The following NMU variants were observed in gnomAD, a reference collection of about 807,000 sequenced individuals.
NMU encodes the protein neuromedin-U.
NMU carries 29 observed loss-of-function variants against 35.4 expected under a neutral mutation model. The ratio of observed to expected loss-of-function variants is 0.82; its 90% CI spans 0.61 to 1.12. NMU has a LOEUF of 1.12. Ranked by LOEUF, NMU falls within the 50% of genes most tolerant of loss-of-function variation. The probability of loss-of-function intolerance (pLI) is 0.00; values close to 1 mark genes in which losing one functional copy is unlikely to be tolerated. For synonymous variants in NMU, 78 were observed against 81.3 expected (o/e 0.96, Z 0.22); for missense variants, 199 against 206.2 (o/e 0.97, Z 0.21).
At chr4:55,605,387 G>A (rs764020825) in intron 6 of NMU, 38 bp from the exon 7 acceptor site, 12 of 1,432,286 alleles carry the variant, frequency 8.4e-6, no homozygotes, top group Non-Finnish European at 1.2e-5. Context: ...TAAGTGCATG[G>A]CTTCTCAGCA....
intron 2 of NMU, among the ~76,000 whole-genome samples, chr4:55,627,925 T>C (rs576440093): frequency 3.3e-5 from 5 of 152,334 alleles, no homozygotes; most frequent in Admixed American, 6.5e-5. Context: ...CTTTCTTAAC[T>C]GGGTAAAGGT....
At chr4:55,617,079 G>C (rs1447489437) in intron 2 of NMU, among the ~76,000 whole-genome samples, 1 of 152,112 alleles carries the variant, frequency 6.6e-6, no homozygotes, top group East Asian at 1.9e-4. Flanking sequence ...TTATTTCTTT[G>C]ATGGCCTTTT....
chr4:55,617,158 A>C (rs902904831), intron 2 of NMU, among the ~76,000 whole-genome samples: 1 of 152,158 alleles, frequency 6.6e-6, no homozygotes, highest in Non-Finnish European at 1.5e-5. Context: ...AGTCCTATTC[A>C]TGGTATTCCA....
At chr4:55,617,015 A>G (rs571508340) in intron 2 of NMU, among the ~76,000 whole-genome samples, 245 of 152,196 alleles carry the variant, frequency 1.6e-3, no homozygotes, top group African/African-American at 5.6e-3. Context: ...ATCATAAAAA[A>G]CCTATGCTGA....
intron 3 of NMU, among the ~76,000 whole-genome samples, chr4:55,615,613 T>C (rs562036518): frequency 6.6e-6 from 1 of 152,314 alleles, no homozygotes; most frequent in African/African-American, 2.4e-5. Context: ...CAGCAATAGA[T>C]ACAGTATTTT....
chr4:55,617,288 T>C (rs1214475101), intron 2 of NMU, among the ~76,000 whole-genome samples: 1 of 152,188 alleles, frequency 6.6e-6, no homozygotes, highest in East Asian at 1.9e-4. Context: ...TGTCCTAAAA[T>C]ATATTATTTC....
intron 6 of NMU, among the ~76,000 whole-genome samples, chr4:55,606,681 CT>C (rs541449403): frequency 9.1e-4 from 127 of 139,892 alleles, no homozygotes; most frequent in Middle Eastern, 3.7e-3. Flanking sequence ...TCTTTCTTTT[CT>C]TTTTTTTTTT....
intron 7 of NMU, among the ~76,000 whole-genome samples, chr4:55,604,659 T>C (rs1445354129): frequency 7.2e-6 from 1 of 139,542 alleles, no homozygotes; most frequent in Non-Finnish European, 1.5e-5. Flanking sequence ...ATTACAGGCA[T>C]GCGCCAATAT....
intron 2 of NMU, among the ~76,000 whole-genome samples, chr4:55,626,647 G>A (rs1329190507): frequency 1.3e-5 from 2 of 152,198 alleles, no homozygotes; most frequent in Non-Finnish European, 2.9e-5. Flanking sequence ...GGGGGAGGTT[G>A]CAGTGAGCTG....
chr4:55,612,585 A>G (rs10026676), intron 3 of NMU, among the ~76,000 whole-genome samples: 34,479 of 152,162 alleles, frequency 0.23, 4,231 homozygotes, highest in South Asian at 0.27. Flanking sequence ...TAGTGATGTC[A>G]TGTTTCAAAA....
At chr4:55,624,076 A>C (rs957777714) in intron 2 of NMU, among the ~76,000 whole-genome samples, 37 of 145,122 alleles carry the variant, frequency 2.5e-4, no homozygotes, top group African/African-American at 8.9e-4. Flanking sequence ...CTAGAAGAAA[A>C]CCTAGGCATT....
chr4:55,619,386 G>A (rs1194238310), intron 2 of NMU, among the ~76,000 whole-genome samples: 2 of 128,808 alleles, frequency 1.6e-5, no homozygotes, highest in African/African-American at 5.8e-5. Flanking sequence ...CCCTTTCCGA[G>A]TCAAAGAAAG....
At chr4:55,609,068 A>T in intron 4 of NMU, 52 bp downstream of exon 4, 1 of 1,485,386 alleles carries the variant, frequency 6.7e-7, no homozygotes, top group Non-Finnish European at 9.4e-7. Context: ...AGAAATTCCA[A>T]GAAATTTTTG....
At chr4:55,605,109 C>A (rs546701235) in intron 7 of NMU, among the ~76,000 whole-genome samples, 166 bp downstream of exon 7, 3 of 152,252 alleles carry the variant, frequency 2.0e-5, no homozygotes, top group African/African-American at 2.4e-5. Context: ...GCGGCTTGAA[C>A]AATTCTCTTC....
intron 8 of NMU, 100 bp from the exon 9 acceptor site, chr4:55,599,281 C>G: frequency 2.1e-6 from 2 of 937,556 alleles, no homozygotes; most frequent in Non-Finnish European, 3.5e-6. Context: ...TAACGTGCAT[C>G]ACAATCATCT....
chr4:55,631,559 G>GA (rs1216538918), intron 1 of NMU, among the ~76,000 whole-genome samples: 1 of 152,058 alleles, frequency 6.6e-6, no homozygotes, highest in East Asian at 1.9e-4. Flanking sequence ...ACAAACATAT[G>GA]AAAAAAATGC....
intron 2 of NMU, among the ~76,000 whole-genome samples, chr4:55,628,091 C>A (rs1177889047): frequency 6.6e-6 from 1 of 152,122 alleles, no homozygotes; most frequent in African/African-American, 2.4e-5. Flanking sequence ...TTTTTTGGCA[C>A]AGCATATTTA....
At position 55,630,398 on chromosome 4, in the gene NMU, T is replaced by A. The variant is rs773562087; in HGVS notation, c.171+4A>T. 6.2e-7 allele frequency: 1 copy of A among 1,606,330 alleles called. No homozygotes were observed. Among genetic ancestry groups the A allele is most frequent in the South Asian group, 1.1e-5 (1 of 90,886 alleles). ...TACAAATTTGTGTGATGATAGTTCC[T>A]TACCTCATTCCACAACTGTAGCTGT... is the stretch of plus-strand genomic sequence containing the variant. On this transcript the variant is annotated splice_donor_region_variant and intron_variant, in intron 2 of 9. Coordinates refer to ENST00000264218, the MANE Select transcript of NMU (RefSeq NM_006681.4).
intron 2 of NMU, among the ~76,000 whole-genome samples, chr4:55,627,730 TCC>T (rs1734590562): frequency 6.6e-6 from 1 of 152,202 alleles, no homozygotes; most frequent in Non-Finnish European, 1.5e-5. Context: ...TCCAAAAATC[TCC>T]TGAACTCTCA....
Sources: gnomAD v4.1 joint callset for allele counts (sites outside exome capture counted in the v4.1 genomes callset) on GRCh38, gnomAD v4.1.1 for gene constraint, MANE v1.5 for transcripts, NCBI Gene and HGNC (gene_info 2026-07-23, HGNC 2026-07-21) for gene names.